The following HPCAL1 variants were observed in gnomAD, a reference collection of about 807,000 sequenced individuals.
HPCAL1 encodes hippocalcin like 1.
Under a neutral mutation model 17.1 loss-of-function variants are expected in HPCAL1, and 8 were observed. That is an observed-to-expected ratio of 0.47 (90% confidence interval 0.27 to 0.84). The LOEUF (loss-of-function observed/expected upper bound fraction) is 0.84. HPCAL1 is among the 40% of genes least tolerant of loss of function. The pLI is 0.13. For synonymous variants in HPCAL1, 112 were observed against 111.4 expected (o/e 1.01, Z -0.03); for missense variants, 165 against 271.1 (o/e 0.61, Z 2.75).
intron 1 of HPCAL1, among the ~76,000 whole-genome samples, chr2:10,378,433 A>G (rs1227099769): frequency 6.6e-6 from 1 of 152,022 alleles, no homozygotes; most frequent in East Asian, 1.9e-4. Context: ...GCCTAAATGC[A>G]GACACATACT....
intron 2 of HPCAL1, among the ~76,000 whole-genome samples, chr2:10,409,084 G>GT (rs1024677046): frequency 1.1e-4 from 16 of 152,012 alleles, no homozygotes; most frequent in South Asian, 8.4e-4. Flanking sequence ...ATTTTATGTT[G>GT]TTTTTTTTCA....
intron 2 of HPCAL1, among the ~76,000 whole-genome samples, chr2:10,412,864 TG>T (rs775935123): frequency 9.9e-5 from 15 of 152,184 alleles, no homozygotes; most frequent in Non-Finnish European, 2.1e-4. Context: ...TGATATGTGT[TG>T]GGGCTTGTGG....
At chr2:10,355,102 G>C (rs1028449082) in intron 1 of HPCAL1, among the ~76,000 whole-genome samples, 5 of 152,210 alleles carry the variant, frequency 3.3e-5, no homozygotes, top group Admixed American at 3.3e-4. Context: ...CCTGGGGCTA[G>C]GTGGTGGCAG....
intron 1 of HPCAL1, among the ~76,000 whole-genome samples, chr2:10,339,798 C>G (rs1161699463): frequency 6.6e-6 from 1 of 152,162 alleles, no homozygotes; most frequent in Non-Finnish European, 1.5e-5. Context: ...ATGTTCATGC[C>G]CGGCAGGACG....
At chr2:10,405,922 G>A (rs1267309421) in intron 2 of HPCAL1, among the ~76,000 whole-genome samples, 2 of 152,220 alleles carry the variant, frequency 1.3e-5, no homozygotes, top group Non-Finnish European at 2.9e-5. Flanking sequence ...CAAATGGGAC[G>A]TTGGGTGATT....
chr2:10,353,675 C>T (rs1665966938), intron 1 of HPCAL1, among the ~76,000 whole-genome samples: 2 of 152,364 alleles, frequency 1.3e-5, no homozygotes, highest in South Asian at 4.1e-4. Flanking sequence ...TCAAGCAATC[C>T]TCCTGCCTCA....
rs143287273 is a variant in HPCAL1 at position 10,423,021 on chromosome 2, G to A, written c.417G>A (p.Pro139=). ...TGGTGTCGTCTGTGATGAAGATGCC[G>A]GAGGATGAGTCCACCCCGGAGAAGC... ...YKMVSSVMKM[P]EDESTPEKRT... The change falls in exon 4 of 5, where the codon CCG becomes CCA. Residue 139 remains proline, a synonymous_variant. Coordinates refer to ENST00000307845, the MANE Select transcript of HPCAL1 (RefSeq NM_002149.4). 126 of 1,613,588 alleles carry A rather than the reference G, an allele frequency of 7.8e-5. No individual in the cohort carries two copies. Among genetic ancestry groups the A allele is most frequent in the East Asian group, 4.0e-4 (18 of 44,888 alleles).
intron 1 of HPCAL1, among the ~76,000 whole-genome samples, chr2:10,314,129 G>A (rs998742705): frequency 2.0e-5 from 3 of 148,682 alleles, no homozygotes; most frequent in Admixed American, 1.3e-4. Flanking sequence ...GCAAGACTCC[G>A]TCTCAGGGAA....
chr2:10,424,897 G>A (rs1671304656), intron 4 of HPCAL1: 1 of 317,774 alleles, frequency 3.1e-6, no homozygotes, highest in East Asian at 8.1e-5. Context: ...AGGCCTCTAG[G>A]CTGGGCTGAT....
chr2:10,402,513 T>G (rs1282245594), intron 2 of HPCAL1, among the ~76,000 whole-genome samples: 2 of 152,186 alleles, frequency 1.3e-5, no homozygotes, highest in Non-Finnish European at 2.9e-5. Flanking sequence ...GTCAGAGGCC[T>G]GGGTGATCAT....
At chr2:10,396,996 C>T (rs575014464) in intron 2 of HPCAL1, 76 bp downstream of exon 2, 3 of 152,426 alleles carry the variant, frequency 2.0e-5, no homozygotes, top group African/African-American at 7.2e-5. Flanking sequence ...CCTGCTGTGC[C>T]GTGGGGTCCT....
intron 1 of HPCAL1, among the ~76,000 whole-genome samples, chr2:10,386,226 C>T (rs1668301648): frequency 1.3e-5 from 2 of 152,186 alleles, no homozygotes; most frequent in South Asian, 4.1e-4. Context: ...GGGTCCATTG[C>T]TCAAGAGCCC....
At chr2:10,319,066 A>G (rs1042012830) in intron 1 of HPCAL1, among the ~76,000 whole-genome samples, 10 of 152,196 alleles carry the variant, frequency 6.6e-5, no homozygotes, top group African/African-American at 2.2e-4. Flanking sequence ...TGCTGTATCA[A>G]TGTAAGGACC....
chr2:10,412,113 T>C (rs1253429075), intron 2 of HPCAL1, among the ~76,000 whole-genome samples: 1 of 152,172 alleles, frequency 6.6e-6, no homozygotes, highest in African/African-American at 2.4e-5. Context: ...TGTGTTGCAG[T>C]GGGATGTCAC....
intron 1 of HPCAL1, among the ~76,000 whole-genome samples, chr2:10,346,371 G>C (rs944690920): frequency 6.6e-6 from 1 of 152,204 alleles, no homozygotes; most frequent in African/African-American, 2.4e-5. Flanking sequence ...CACAGCCCAC[G>C]TGCCTCATTC....
At chr2:10,360,446 C>T (rs1333045844) in intron 1 of HPCAL1, among the ~76,000 whole-genome samples, 1 of 151,702 alleles carries the variant, frequency 6.6e-6, no homozygotes, top group East Asian at 1.9e-4. Flanking sequence ...GAATCTTGCT[C>T]TGTCACCCAG....
At chr2:10,410,245 C>T (rs1490325558) in intron 2 of HPCAL1, among the ~76,000 whole-genome samples, 1 of 152,092 alleles carries the variant, frequency 6.6e-6, no homozygotes, top group East Asian at 1.9e-4. Flanking sequence ...TGCCGTCAGC[C>T]GGCACTGAGG....
At chr2:10,319,237 G>C (rs1170583262) in intron 1 of HPCAL1, among the ~76,000 whole-genome samples, 1 of 152,170 alleles carries the variant, frequency 6.6e-6, no homozygotes, top group African/African-American at 2.4e-5. Context: ...CCATCCCCCA[G>C]TCTGGAGTCA....
chr2:10,334,466 C>T (rs1443049106), intron 1 of HPCAL1, among the ~76,000 whole-genome samples: 1 of 151,962 alleles, frequency 6.6e-6, no homozygotes, highest in Non-Finnish European at 1.5e-5. Context: ...TGTGGTCACA[C>T]CACTGTACTC....
Sources: allele counts gnomAD v4.1 joint callset (sites outside exome capture counted in the v4.1 genomes callset), GRCh38; gene constraint gnomAD v4.1.1; transcripts MANE v1.5; gene names NCBI Gene and HGNC (gene_info 2026-07-23, HGNC 2026-07-21).